Variants in SDC2 observed in about 807,000 individuals in gnomAD.
SDC2 encodes the protein syndecan-2.
SDC2 carries 13 observed loss-of-function variants against 22.2 expected under a neutral mutation model. That is an observed-to-expected ratio of 0.59 (90% CI 0.38 to 0.93). The LOEUF is 0.93. Ranked by LOEUF, SDC2 falls within the 40% of genes least tolerant of loss-of-function variation. The pLI is 0.00. For missense variants in SDC2, 235 were observed against 246.8 expected (o/e 0.95, Z 0.32); for synonymous variants, 94 against 92.8 (o/e 1.01, Z -0.07).
chr8:96,607,814 A>C (rs186125761), intron 3 of SDC2, among the ~76,000 whole-genome samples: 47 of 152,272 alleles, frequency 3.1e-4, no homozygotes, highest in Admixed American at 2.1e-3. Context: ...TGCTGAAGGT[A>C]ATATAACTAG....
chr8:96,533,699 T>A (rs573871288), intron 1 of SDC2, among the ~76,000 whole-genome samples: 2 of 151,706 alleles, frequency 1.3e-5, no homozygotes, highest in East Asian at 3.9e-4. Context: ...AGACACAGAG[T>A]GCTGATTGGT....
chr8:96,576,629 C>T (rs1034809023), intron 1 of SDC2, among the ~76,000 whole-genome samples: 44 of 147,628 alleles, frequency 3.0e-4, no homozygotes, highest in Non-Finnish European at 4.9e-4. Flanking sequence ...CCGTTTTAGC[C>T]GGGATGGTCT....
At chr8:96,516,702 A>T (rs534260038) in intron 1 of SDC2, among the ~76,000 whole-genome samples, 6 of 152,274 alleles carry the variant, frequency 3.9e-5, no homozygotes, top group African/African-American at 1.4e-4. Flanking sequence ...TTTGTGATTA[A>T]CTTCTTTCAG....
chr8:96,498,872 G>A (rs534473612), intron 1 of SDC2, among the ~76,000 whole-genome samples: 2 of 152,174 alleles, frequency 1.3e-5, no homozygotes, highest in Admixed American at 6.5e-5. Context: ...CTTCCTTGGG[G>A]GCATGCCAGC....
chr8:96,596,456 C>T (rs1011316181), intron 2 of SDC2, among the ~76,000 whole-genome samples: 3 of 152,198 alleles, frequency 2.0e-5, no homozygotes, highest in African/African-American at 7.2e-5. Flanking sequence ...CAAGTATGGG[C>T]ATAAGCAAAC....
chr8:96,607,592 G>A lies in SDC2; in HGVS notation c.307-743G>A, dbSNP rs537702191. Among the ~76,000 whole-genome samples, 33 of 152,272 alleles carry A rather than the reference G, an allele frequency of 2.2e-4. No individual in the cohort carries two copies. The South Asian group carries it at 4.1e-3, about 19-fold the overall frequency. On this transcript the variant is annotated intron_variant, in intron 3 of 4. Transcript: ENST00000302190. ...TACAGCCAACAGTTAATGTCCTGCAGGCTGCTGGCTTGTTGGGAATAATGC... is the reference window on the plus strand; with the variant it reads ...TACAGCCAACAGTTAATGTCCTGCAAGCTGCTGGCTTGTTGGGAATAATGC...
intron 1 of SDC2, among the ~76,000 whole-genome samples, 154 bp from the exon 2 acceptor site, chr8:96,593,326 A>C (rs1814816325): frequency 1.3e-5 from 2 of 152,224 alleles, no homozygotes; most frequent in African/African-American, 4.8e-5. Context: ...TTAAGTTGTC[A>C]GGGTGCCTGA....
At chr8:96,603,902 C>T (rs1815034736) in intron 3 of SDC2, among the ~76,000 whole-genome samples, 1 of 152,132 alleles carries the variant, frequency 6.6e-6, no homozygotes, top group Admixed American at 6.5e-5. Context: ...GTGCTGGATC[C>T]ATGCATAAAA....
chr8:96,604,854 A>G (rs1815051888), intron 3 of SDC2, among the ~76,000 whole-genome samples: 1 of 152,218 alleles, frequency 6.6e-6, no homozygotes, highest in Admixed American at 6.5e-5. Flanking sequence ...ATACATTCAT[A>G]CAAGAGTGAA....
intron 1 of SDC2, among the ~76,000 whole-genome samples, chr8:96,583,389 C>T (rs1814625629): frequency 8.6e-6 from 1 of 116,804 alleles, no homozygotes; most frequent in Non-Finnish European, 1.9e-5. Flanking sequence ...ATATATATGA[C>T]ATATGTGTGT....
chr8:96,542,612 C>T (rs1304758242), intron 1 of SDC2, among the ~76,000 whole-genome samples: 3 of 151,974 alleles, frequency 2.0e-5, no homozygotes, highest in South Asian at 2.1e-4. Context: ...CTTAGCATCC[C>T]GGAGAATGAA....
intron 1 of SDC2, among the ~76,000 whole-genome samples, chr8:96,516,223 G>A (rs1306787522): frequency 5.3e-5 from 8 of 151,994 alleles, no homozygotes; most frequent in African/African-American, 1.9e-4. Flanking sequence ...AACCTTTTTG[G>A]GTTTTTAGTT....
chr8:96,597,355 T>C (rs1814895212), intron 2 of SDC2, among the ~76,000 whole-genome samples: 2 of 152,156 alleles, frequency 1.3e-5, no homozygotes, highest in Admixed American at 1.3e-4. Flanking sequence ...AACGTACAGC[T>C]CTGTATTACA....
In SDC2 at chr8:96,588,742, A is replaced by G. The variant is rs564877120; in HGVS notation, c.61-4738A>G. Among the ~76,000 whole-genome samples, 4 of 152,380 alleles carry G rather than the reference A, an allele frequency of 2.6e-5. No homozygotes were observed. The South Asian group carries it at 8.3e-4, about 32-fold the overall frequency. ...CGTTGTTAACCTGAGTTAAAACCAT[A>G]AAGTAAATTCGACATTTACTAATTT... On this transcript the variant is annotated intron_variant, in intron 1 of 4. Transcript: ENST00000302190.
At chr8:96,498,394 A>G (rs1813106948) in intron 1 of SDC2, among the ~76,000 whole-genome samples, 1 of 151,950 alleles carries the variant, frequency 6.6e-6, no homozygotes, top group Admixed American at 6.6e-5. Context: ...ACAGGTGTTT[A>G]CCCAGCTCCT....
intron 4 of SDC2, 107 bp from the exon 5 acceptor site, chr8:96,609,278 C>G: frequency 1.1e-6 from 1 of 906,844 alleles, no homozygotes; most frequent in Non-Finnish European, 1.6e-6. Flanking sequence ...TTGGGGTTTT[C>G]AAATTAAGCC....
chr8:96,536,899 T>TGC (rs1248513021), intron 1 of SDC2, among the ~76,000 whole-genome samples: 2 of 152,214 alleles, frequency 1.3e-5, no homozygotes, highest in Non-Finnish European at 2.9e-5. Context: ...CAGGTAACTC[T>TGC]GCATTGTTAG....
At chr8:96,592,959 G>T (rs1814809505) in intron 1 of SDC2, among the ~76,000 whole-genome samples, 1 of 152,174 alleles carries the variant, frequency 6.6e-6, no homozygotes, top group South Asian at 2.1e-4. Flanking sequence ...AGGTGACTGG[G>T]GATCTCTCAT....
At chr8:96,591,359 T>C (rs755136305) in intron 1 of SDC2, among the ~76,000 whole-genome samples, 53 of 152,338 alleles carry the variant, frequency 3.5e-4, no homozygotes, top group Non-Finnish European at 6.0e-4. Flanking sequence ...GATGGTCTCC[T>C]AGGCTTAAAA....
Sources: gnomAD v4.1 joint callset for allele counts (sites outside exome capture counted in the v4.1 genomes callset) on GRCh38, gnomAD v4.1.1 for gene constraint, MANE v1.5 for transcripts, NCBI Gene and HGNC (gene_info 2026-07-23, HGNC 2026-07-21) for gene names.